The following PEBP4 variants were observed in gnomAD, a reference collection of about 807,000 sequenced individuals.
PEBP4 encodes phosphatidylethanolamine binding protein 4, also known as phosphatidylethanolamine-binding protein 4.
In PEBP4, 22 loss-of-function variants were observed where a neutral mutation model predicts 23.9. The ratio of observed to expected loss-of-function variants is 0.92; its 90% confidence interval spans 0.66 to 1.31. The LOEUF is 1.31. Among genes scored for constraint, PEBP4 ranks in the 40% most tolerant of loss-of-function variants. The probability of loss-of-function intolerance (pLI) is 0.00; values close to 1 mark genes in which losing one functional copy is unlikely to be tolerated. For missense variants in PEBP4, 324 were observed against 281.7 expected, an observed-to-expected ratio of 1.15 and a Z score of -1.07; for synonymous variants, 112 against 99.3, an observed-to-expected ratio of 1.13 and a Z score of -0.76.
At chr8:22,768,488 T>G (rs1017751705) in intron 4 of PEBP4, among the ~76,000 whole-genome samples, 2 of 152,164 alleles carry the variant, frequency 1.3e-5, no homozygotes, top group South Asian at 4.1e-4. Flanking sequence ...CCCCATCCCC[T>G]GCCAATCCAA....
chr8:22,823,328 G>C (rs918206170), intron 3 of PEBP4, among the ~76,000 whole-genome samples: 3 of 151,756 alleles, frequency 2.0e-5, no homozygotes, highest in Non-Finnish European at 4.4e-5. Context: ...TCAGACACCA[G>C]AAAACTTCCA....
intron 3 of PEBP4, among the ~76,000 whole-genome samples, chr8:22,911,777 AAAAC>A (rs1290902010): frequency 2.0e-5 from 3 of 152,258 alleles, no homozygotes; most frequent in Admixed American, 1.3e-4. Context: ...CAATGCCTTT[AAAAC>A]AAACAAACAA....
intron 3 of PEBP4, among the ~76,000 whole-genome samples, chr8:22,890,100 G>C (rs1353752331): frequency 1.3e-5 from 2 of 152,236 alleles, no homozygotes; most frequent in Non-Finnish European, 2.9e-5. Flanking sequence ...CACAGAGACA[G>C]AGAGCCCTGG....
chr8:22,801,806 C>T (rs958777943), intron 4 of PEBP4, among the ~76,000 whole-genome samples: 4 of 152,102 alleles, frequency 2.6e-5, no homozygotes, highest in African/African-American at 4.8e-5. Context: ...CACCAAACTC[C>T]GCTCTCCCTC....
chr8:22,787,455 G>T (rs1806050499), intron 4 of PEBP4, among the ~76,000 whole-genome samples: 1 of 152,146 alleles, frequency 6.6e-6, no homozygotes, highest in African/African-American at 2.4e-5. Flanking sequence ...GGGGGAGGGG[G>T]ATACCAACAT....
intron 3 of PEBP4, among the ~76,000 whole-genome samples, chr8:22,859,354 AG>A (rs1807719065): frequency 6.6e-6 from 1 of 152,208 alleles, no homozygotes; most frequent in Admixed American, 6.5e-5. Flanking sequence ...ATTGGAAAAA[AG>A]TCAGACTCAT....
chr8:22,751,174 G>A (rs564428340), intron 4 of PEBP4, among the ~76,000 whole-genome samples: 4 of 152,284 alleles, frequency 2.6e-5, no homozygotes, highest in East Asian at 1.9e-4. Context: ...GTCAAGCCCC[G>A]TGCTTCTGGA....
At chr8:22,860,113 TC>T (rs1387424410) in intron 3 of PEBP4, among the ~76,000 whole-genome samples, 2 of 54,422 alleles carry the variant, frequency 3.7e-5, no homozygotes, top group African/African-American at 1.0e-4. Flanking sequence ...TGAGACTCCG[TC>T]TCAAAAAAAA....
intron 4 of PEBP4, among the ~76,000 whole-genome samples, chr8:22,772,572 T>C (rs747599104): frequency 9.3e-5 from 14 of 151,060 alleles, no homozygotes; most frequent in Non-Finnish European, 1.6e-4. Flanking sequence ...TGTAGCTCAT[T>C]GCGGCATCCA....
At chr8:22,748,768 G>A (rs1805183975) in intron 4 of PEBP4, among the ~76,000 whole-genome samples, 1 of 152,092 alleles carries the variant, frequency 6.6e-6, no homozygotes, top group Non-Finnish European at 1.5e-5. Flanking sequence ...CAGAAGCTAC[G>A]AGGCTCCCAC....
At chr8:22,880,564 G>T (rs77336706) in intron 3 of PEBP4, 1 of 67,084 alleles carries the variant, frequency 1.5e-5, no homozygotes, top group Admixed American at 1.6e-4. Context: ...TTCCTGAACC[G>T]GATCTCCATC....
chr8:22,817,789 A>G (rs1204023910), intron 3 of PEBP4, 54 bp from the exon 4 acceptor site: 14 of 1,515,564 alleles, frequency 9.2e-6, no homozygotes, highest in Non-Finnish European at 1.2e-5. Flanking sequence ...ATAGGAAAAT[A>G]CCACGGGGCA....
chr8:22,723,997 G>A (rs1804573512), intron 6 of PEBP4, among the ~76,000 whole-genome samples: 1 of 152,248 alleles, frequency 6.6e-6, no homozygotes, highest in Non-Finnish European at 1.5e-5. Context: ...CCTCCCACTT[G>A]CCTTCCTGCC....
At chr8:22,772,396 T>C (rs1805733681) in intron 4 of PEBP4, among the ~76,000 whole-genome samples, 1 of 152,076 alleles carries the variant, frequency 6.6e-6, no homozygotes, top group Admixed American at 6.5e-5. Context: ...TCATACTAAT[T>C]ATTCCTGGGT....
intron 4 of PEBP4, among the ~76,000 whole-genome samples, chr8:22,783,923 T>G (rs1805976046): frequency 6.6e-6 from 1 of 152,204 alleles, no homozygotes; most frequent in Non-Finnish European, 1.5e-5. Flanking sequence ...ACCACGCTGG[T>G]CTGGCCGACA....
At chr8:22,724,104 G>A (rs1272675105) in intron 6 of PEBP4, among the ~76,000 whole-genome samples, 1 of 152,226 alleles carries the variant, frequency 6.6e-6, no homozygotes, top group Non-Finnish European at 1.5e-5. Context: ...TGCAGGGGTG[G>A]CTTTATTTCC....
At chr8:22,844,271 C>CT (rs1349775300) in intron 3 of PEBP4, among the ~76,000 whole-genome samples, 3 of 152,182 alleles carry the variant, frequency 2.0e-5, no homozygotes, top group African/African-American at 7.2e-5. Context: ...CAGAGTTTCA[C>CT]TTTTGTTGCC....
rs767425972 is a variant in PEBP4 at position 22,927,653 on chromosome 8, G to A, written c.62C>T (p.Thr21Ile). ...ALLLGLMMVV[T>I]GDEDENSPCA... ...CGGGCTGTTCTCATCCTCGTCTCCAGTGACCACCATCATGAGACCCAGTAA... is the reference window on the plus strand; with the variant it reads ...CGGGCTGTTCTCATCCTCGTCTCCAATGACCACCATCATGAGACCCAGTAA... The change falls in exon 2 of 7, where the codon ACT becomes ATT. Residue 21 changes from threonine (T) to isoleucine (I), a missense_variant. By Grantham distance (89) the Thr-to-Ile change is moderately conservative. Transcript: ENST00000256404. 3 of 1,613,890 alleles carry A rather than the reference G, an allele frequency of 1.9e-6. No homozygotes were observed. In the South Asian group the frequency reaches 3.3e-5, roughly 18 times the overall value.
chr8:22,763,696 G>T (rs1036398263), intron 4 of PEBP4, among the ~76,000 whole-genome samples: 10 of 152,280 alleles, frequency 6.6e-5, no homozygotes, highest in African/African-American at 2.4e-4. Context: ...TATCATTATT[G>T]TTAGAAAGTT....
Sources: allele counts gnomAD v4.1 joint callset (sites outside exome capture counted in the v4.1 genomes callset), GRCh38; gene constraint gnomAD v4.1.1; transcripts MANE v1.5; gene names NCBI Gene and HGNC (gene_info 2026-07-23, HGNC 2026-07-21).